The following ADAMTS3 variants were observed in gnomAD, a reference collection of about 807,000 sequenced individuals.
ADAMTS3 encodes the protein A disintegrin and metalloproteinase with thrombospondin motifs 3.
In ADAMTS3, 73 loss-of-function variants were observed where a neutral mutation model predicts 129.0. The observed-to-expected ratio is 0.57, with a 90% CI of 0.47 to 0.69. The LOEUF (loss-of-function observed/expected upper bound fraction) is 0.69. ADAMTS3 is among the 30% of genes least tolerant of loss of function. The pLI is 0.00. For synonymous variants in ADAMTS3, 477 were observed against 510.8 expected (o/e 0.93, Z 0.89); for missense variants, 1,457 against 1,514.5 (o/e 0.96, Z 0.63).
At position 72,319,450 on chromosome 4, in the gene ADAMTS3, C is replaced by T. The variant is rs150012152; in HGVS notation, c.1234G>A (p.Gly412Ser). 6.2e-7 allele frequency: 1 copy of T among 1,613,798 alleles called. No individual in the cohort carries two copies. Among genetic ancestry groups the T allele is most frequent in the South Asian group, 1.1e-5 (1 of 91,036 alleles). The change falls in exon 9 of 22, where the codon GGC (glycine) becomes AGC (serine). Residue 412 changes from glycine to serine, a missense_variant. Transcript: ENST00000286657. ...HVLGMEHDGQ[G>S]NRCGDETAMG... Reference sequence around the variant, plus strand: ...GCAGTCTCATCACCACACCTGTTGCCTTGTCCATCATGCTCCATTCCCAAC... The same window carrying T: ...GCAGTCTCATCACCACACCTGTTGCTTTGTCCATCATGCTCCATTCCCAAC...
rs74928269 is a variant in ADAMTS3, at chr4:72,460,839, C to T, written c.505-45868G>A. 5.3e-3 allele frequency among the ~76,000 whole-genome samples: 811 copies of T among 151,690 alleles called. 5 individuals carry two copies. Among genetic ancestry groups the T allele is most frequent in the African/African-American group, 0.019 (784 of 41,470 alleles). On this transcript the variant is annotated intron_variant, in intron 3 of 21. Coordinates refer to ENST00000286657, the MANE Select transcript of ADAMTS3 (RefSeq NM_014243.3). The stretch of plus-strand genomic sequence containing the variant: ...AAATTAAAAGATATACAAAAATGTT[C>T]ACAACATTTGACTAATAAATTTCTT...
chr4:72,354,133 C>T (rs1454777384), intron 4 of ADAMTS3, among the ~76,000 whole-genome samples: 3 of 151,996 alleles, frequency 2.0e-5, no homozygotes, highest in Non-Finnish European at 4.4e-5. Flanking sequence ...TCAGGTGCTT[C>T]CAAGTAACAT....
At chr4:72,297,813 T>TA (rs1718846542) in intron 18 of ADAMTS3, among the ~76,000 whole-genome samples, 1 of 152,160 alleles carries the variant, frequency 6.6e-6, no homozygotes. Context: ...CATGCATTGA[T>TA]ATATAAAGCA....
In ADAMTS3 at chr4:72,338,609, T is replaced by C. The variant is rs116242728; in HGVS notation, c.861+885A>G. 2.2e-3 allele frequency among the ~76,000 whole-genome samples: 340 copies of C among 151,170 alleles called. 2 individuals are homozygous for C. Among genetic ancestry groups the C allele is most frequent in the Middle Eastern group, 3.4e-3 (1 of 294 alleles). ...AAGCATGGGGGAAAGAGGTAAACTA[T>C]AGATATCCAAGAAATTATATTAAAT... On this transcript the variant is annotated intron_variant, in intron 5 of 21. Coordinates refer to ENST00000286657, the MANE Select transcript of ADAMTS3 (RefSeq NM_014243.3).
intron 3 of ADAMTS3, among the ~76,000 whole-genome samples, chr4:72,497,063 C>T (rs1321635205): frequency 2.6e-5 from 4 of 151,962 alleles, no homozygotes; most frequent in Non-Finnish European, 4.4e-5. Flanking sequence ...ATCTAAAGCA[C>T]ACTCTGCTTG....
intron 4 of ADAMTS3, among the ~76,000 whole-genome samples, chr4:72,354,259 A>G (rs1183126854): frequency 6.6e-6 from 1 of 151,954 alleles, no homozygotes; most frequent in Non-Finnish European, 1.5e-5. Context: ...CAACCTGTTG[A>G]TATTCCTCCC....
chr4:72,392,700 G>T (rs1407528494), intron 4 of ADAMTS3, among the ~76,000 whole-genome samples: 3 of 152,008 alleles, frequency 2.0e-5, no homozygotes, highest in African/African-American at 4.8e-5. Context: ...AAGAGGAAAA[G>T]AATAGAAGAG....
At chr4:72,328,999 T>C (rs1719768982) in intron 5 of ADAMTS3, among the ~76,000 whole-genome samples, 1 of 152,194 alleles carries the variant, frequency 6.6e-6, no homozygotes, top group Admixed American at 6.5e-5. Flanking sequence ...CTGCCAACTC[T>C]TCCCTCATCT....
chr4:72,383,855 G>C (rs1031438389), intron 4 of ADAMTS3, among the ~76,000 whole-genome samples: 5 of 152,132 alleles, frequency 3.3e-5, no homozygotes, highest in African/African-American at 1.2e-4. Context: ...AACTGAGAGT[G>C]AATCTGAGAT....
Position 72,305,822 on chromosome 4 carries a change from GCA to G in ADAMTS3, c.2260+163_2260+164del, listed in dbSNP as rs553185584. On this transcript the variant is annotated intron_variant, in intron 16 of 21. Transcript: ENST00000286657. ...ACGCATGCACATCATGCACATGTACGCACATATACGTATGCACATGTACGTAC... is the reference window on the plus strand; with the variant it reads ...ACGCATGCACATCATGCACATGTACGCATATACGTATGCACATGTACGTAC... 1.2e-3 allele frequency among the ~76,000 whole-genome samples: 186 copies of G among 151,884 alleles called. 2 individuals carry two copies. Among genetic ancestry groups the G allele is most frequent in the African/African-American group, 4.3e-3 (177 of 41,400 alleles).
chr4:72,451,851 C>T (rs755367505), intron 3 of ADAMTS3, among the ~76,000 whole-genome samples: 1 of 151,718 alleles, frequency 6.6e-6, no homozygotes, highest in Non-Finnish European at 1.5e-5. Context: ...AATTCCAACA[C>T]TTTGAAAGGC....
At chr4:72,559,465 T>C (rs1192219483) in intron 2 of ADAMTS3, among the ~76,000 whole-genome samples, 3 of 151,658 alleles carry the variant, frequency 2.0e-5, no homozygotes, top group Non-Finnish European at 4.4e-5. Flanking sequence ...ATGAAGATAA[T>C]ACATGAAAAC....
At chr4:72,403,472 T>A (rs944399845) in intron 4 of ADAMTS3, among the ~76,000 whole-genome samples, 28 of 140,572 alleles carry the variant, frequency 2.0e-4, no homozygotes, top group African/African-American at 6.3e-4. Flanking sequence ...GGAAAAAAAA[T>A]AAGAGTCAAG....
chr4:72,341,466 C>T (rs766002247), intron 4 of ADAMTS3, among the ~76,000 whole-genome samples: 5 of 152,166 alleles, frequency 3.3e-5, no homozygotes, highest in South Asian at 2.1e-4. Context: ...GGTTAAGAGA[C>T]GACTACACCT....
chr4:72,447,789 T>C (rs1207362728), intron 3 of ADAMTS3, among the ~76,000 whole-genome samples: 2 of 151,696 alleles, frequency 1.3e-5, no homozygotes, highest in East Asian at 3.9e-4. Context: ...AACCATCAGA[T>C]AAAATTCATA....
chr4:72,427,119 A>G (rs1023979946), intron 3 of ADAMTS3, among the ~76,000 whole-genome samples: 4 of 152,142 alleles, frequency 2.6e-5, no homozygotes, highest in African/African-American at 7.2e-5. Context: ...TCAAGGTGTT[A>G]GCAGGGACAA....
chr4:72,346,375 T>C (rs998609930), intron 4 of ADAMTS3, among the ~76,000 whole-genome samples: 2 of 152,170 alleles, frequency 1.3e-5, no homozygotes, highest in African/African-American at 4.8e-5. Flanking sequence ...TCCACTGGTA[T>C]CTTTTATACC....
chr4:72,413,358 C>T (rs1191033164), intron 4 of ADAMTS3, among the ~76,000 whole-genome samples: 1 of 151,878 alleles, frequency 6.6e-6, no homozygotes, highest in African/African-American at 2.4e-5. Flanking sequence ...TATGGAACAA[C>T]CAAGATTTAG....
Position 72,283,720 on chromosome 4 carries a change from G to T in ADAMTS3, c.3050-16C>A, listed in dbSNP as rs1327559874. 1 of 1,522,312 alleles carries T rather than the reference G, an allele frequency of 6.6e-7. No individual in the cohort carries two copies. Among genetic ancestry groups the T allele is most frequent in the Non-Finnish European group, 8.8e-7 (1 of 1,134,068 alleles). 94.3% of individuals were successfully genotyped at this position (1,522,312 alleles called of 1,614,324 possible). A position where few individuals can be genotyped will look rare whatever the true frequency, so the allele number is the denominator to read the frequency against. ...CATGGTTCATCTGCAAAAATAAAAA[G>T]AAAATAAACTAACACTAGCATCTAA... On this transcript the variant is annotated splice_polypyrimidine_tract_variant and intron_variant, in intron 21 of 21. Transcript: ENST00000286657.
Sources: gnomAD v4.1 joint callset for allele counts (sites outside exome capture counted in the v4.1 genomes callset) on GRCh38, gnomAD v4.1.1 for gene constraint, MANE v1.5 for transcripts, NCBI Gene and HGNC (gene_info 2026-07-23, HGNC 2026-07-21) for gene names.